CACNB2: variants seen among roughly 807,000 people sequenced by gnomAD.
CACNB2 encodes the protein voltage-dependent L-type calcium channel subunit beta-2.
Under a neutral mutation model 73.3 loss-of-function variants are expected in CACNB2, and 42 were observed. That is an observed-to-expected ratio of 0.57 (90% CI 0.45 to 0.74). CACNB2 has a LOEUF of 0.74. Ranked by LOEUF, CACNB2 falls within the 30% of genes least tolerant of loss-of-function variation. The probability of loss-of-function intolerance (pLI) is 0.00; values close to 1 mark genes in which losing one functional copy is unlikely to be tolerated. For missense variants in CACNB2, 940 were observed against 853.0 expected, an observed-to-expected ratio of 1.10 and a Z score of -1.27; for synonymous variants, 348 against 310.3, an observed-to-expected ratio of 1.12 and a Z score of -1.28.
At chr10:18,220,178 T>C (rs1456979134) in intron 2 of CACNB2, among the ~76,000 whole-genome samples, 1 of 73,990 alleles carries the variant, frequency 1.4e-5, no homozygotes. Flanking sequence ...CACACATACA[T>C]ATATATACAT....
chr10:18,154,519 G>C (rs1378732465), intron 2 of CACNB2, among the ~76,000 whole-genome samples: 1 of 152,034 alleles, frequency 6.6e-6, no homozygotes, highest in South Asian at 2.1e-4. Context: ...CCAGGCTGGA[G>C]TGCGGTGGCC....
intron 2 of CACNB2, among the ~76,000 whole-genome samples, chr10:18,372,589 T>C (rs2042633998): frequency 1.3e-5 from 2 of 152,132 alleles, no homozygotes; most frequent in Admixed American, 6.5e-5. Flanking sequence ...GTATTTTTAG[T>C]AGAGACAGGG....
intron 2 of CACNB2, among the ~76,000 whole-genome samples, chr10:18,176,974 G>A (rs955519795): frequency 2.0e-5 from 3 of 152,036 alleles, no homozygotes; most frequent in Non-Finnish European, 4.4e-5. Context: ...GTGAGAAAGC[G>A]TATAGAGGTG....
At chr10:18,282,168 G>A (rs1245502009) in intron 2 of CACNB2, among the ~76,000 whole-genome samples, 1 of 151,910 alleles carries the variant, frequency 6.6e-6, no homozygotes, top group Non-Finnish European at 1.5e-5. Flanking sequence ...GTCCCTAGGG[G>A]CAGTCATTAC....
At chr10:18,533,031 A>T (rs1454589861) in intron 10 of CACNB2, 1 of 152,138 alleles carries the variant, frequency 6.6e-6, no homozygotes, top group Non-Finnish European at 1.5e-5. Flanking sequence ...GTGACCAGAG[A>T]GTTACCTTTT....
At chr10:18,468,826 A>C (rs948958954) in intron 3 of CACNB2, among the ~76,000 whole-genome samples, 6 of 152,050 alleles carry the variant, frequency 3.9e-5, no homozygotes, top group Admixed American at 2.0e-4. Context: ...CTCAAACTCC[A>C]GATCTCAGGT....
At chr10:18,283,840 T>C (rs986316060) in intron 2 of CACNB2, among the ~76,000 whole-genome samples, 1 of 152,100 alleles carries the variant, frequency 6.6e-6, no homozygotes, top group African/African-American at 2.4e-5. Context: ...TAAAAAGTGT[T>C]CTTCAAACAA....
At chr10:18,399,425 G>T (rs2043877770) in intron 2 of CACNB2, among the ~76,000 whole-genome samples, 1 of 152,162 alleles carries the variant, frequency 6.6e-6, no homozygotes, top group South Asian at 2.1e-4. Flanking sequence ...CACAATTGAG[G>T]TACAACTGAT....
At chr10:18,196,137 T>C (rs2034610777) in intron 2 of CACNB2, among the ~76,000 whole-genome samples, 1 of 152,136 alleles carries the variant, frequency 6.6e-6, no homozygotes, top group African/African-American at 2.4e-5. Context: ...ATTACTATTC[T>C]TATTTTACAG....
chr10:18,326,452 C>T (rs574465385), intron 2 of CACNB2, among the ~76,000 whole-genome samples: 3 of 152,244 alleles, frequency 2.0e-5, no homozygotes, highest in South Asian at 2.1e-4. Flanking sequence ...GCAGAAAATT[C>T]GTGGTGTTTT....
intron 2 of CACNB2, among the ~76,000 whole-genome samples, chr10:18,270,982 G>A (rs978018177): frequency 3.9e-5 from 6 of 151,950 alleles, no homozygotes; most frequent in South Asian, 2.1e-4. Flanking sequence ...ATAATATGTC[G>A]TTTTGGGGGA....
intron 1 of CACNB2, among the ~76,000 whole-genome samples, chr10:18,146,306 A>ATTTTTTTTTT (rs10714038): frequency 3.4e-5 from 4 of 118,926 alleles, no homozygotes; most frequent in South Asian, 2.7e-4. Context: ...ATGGAGACTA[A>ATTTTTTTTTT]TTTTTTTTTT....
chr10:18,375,930 A>C (rs570156177), intron 2 of CACNB2, among the ~76,000 whole-genome samples: 1 of 152,328 alleles, frequency 6.6e-6, no homozygotes, highest in Non-Finnish European at 1.5e-5. Context: ...TAGAGAACAG[A>C]TGGAGGTTGC....
At chr10:18,459,699 C>T (rs1042256765) in intron 3 of CACNB2, among the ~76,000 whole-genome samples, 11 of 152,272 alleles carry the variant, frequency 7.2e-5, no homozygotes, top group African/African-American at 2.2e-4. Context: ...TTCTTACTCT[C>T]CAGCTGTTTG....
intron 3 of CACNB2, among the ~76,000 whole-genome samples, 182 bp from the exon 4 acceptor site, chr10:18,498,173 C>T (rs2049951644): frequency 6.6e-6 from 1 of 152,152 alleles, no homozygotes; most frequent in African/African-American, 2.4e-5. Context: ...TTATGTAGCT[C>T]ACAGCTGGGA....
At chr10:18,178,232 T>C (rs2033703746) in intron 2 of CACNB2, among the ~76,000 whole-genome samples, 1 of 152,190 alleles carries the variant, frequency 6.6e-6, no homozygotes, top group African/African-American at 2.4e-5. Context: ...ACTTTACCGT[T>C]GAAATGAGCC....
intron 2 of CACNB2, among the ~76,000 whole-genome samples, chr10:18,219,178 A>T (rs1056169793): frequency 3.3e-5 from 4 of 119,438 alleles, no homozygotes; most frequent in Admixed American, 3.0e-4. Context: ...GACACAAAAA[A>T]TACTTCTACC....
chr10:18,501,461 A>T (rs1400665187), intron 5 of CACNB2, among the ~76,000 whole-genome samples: 2 of 152,262 alleles, frequency 1.3e-5, no homozygotes, highest in African/African-American at 4.8e-5. Context: ...GAAACAAGTT[A>T]AAACTGCCTG....
intron 2 of CACNB2, among the ~76,000 whole-genome samples, chr10:18,244,167 G>A (rs1191033175): frequency 6.6e-6 from 1 of 152,124 alleles, no homozygotes; most frequent in Non-Finnish European, 1.5e-5. Context: ...TTACTGCAAT[G>A]ATGTTGGCTA....
Sources: allele counts gnomAD v4.1 joint callset (sites outside exome capture counted in the v4.1 genomes callset), GRCh38; gene constraint gnomAD v4.1.1; transcripts MANE v1.5; gene names NCBI Gene and HGNC (gene_info 2026-07-23, HGNC 2026-07-21).